The following PRH1 variants were observed in gnomAD, a reference collection of about 807,000 sequenced individuals.
PRH1 encodes the protein proline rich protein HaeIII subfamily 1.
Under a neutral mutation model 7.9 loss-of-function variants are expected in PRH1, and 7 were observed. The ratio of observed to expected loss-of-function variants is 0.89; its 90% confidence interval spans 0.50 to 1.67. PRH1 has a LOEUF of 1.67. Ranked by LOEUF, PRH1 falls within the 40% of genes most tolerant of loss-of-function variation. The pLI, the probability that PRH1 is intolerant of heterozygous loss-of-function variation, is 0.00. For missense variants in PRH1, 109 were observed against 223.6 expected (o/e 0.49, Z 3.27); for synonymous variants, 45 against 80.8 (o/e 0.56, Z 2.38).
rs544865185 is a variant in PRH1 at position 11,078,322 on chromosome 12, G to A, written n.124-31134C>T. 1.2e-3 allele frequency: 349 copies of A among 280,132 alleles called. 13 individuals are homozygous for A. Among genetic ancestry groups the A allele is most frequent in the African/African-American group, 7.4e-3 (332 of 44,572 alleles). The allele number at this position is 280,132 out of a possible 1,614,324, so 17.4% of individuals were successfully genotyped here. A position where few individuals can be genotyped will look rare whatever the true frequency, so the allele number is the denominator to read the frequency against. ...CCCTTAATATCCAAACATTAACTTCGATAAACACTTGATTACTAAATGTGC... is the reference window on the plus strand; with the variant it reads ...CCCTTAATATCCAAACATTAACTTCAATAAACACTTGATTACTAAATGTGC... On this transcript the variant is annotated intron_variant and non_coding_transcript_variant, in intron 1 of 4. Transcript: ENST00000541977.
At chr12:11,051,042 C>T (rs1028226423), upstream of PRH1, among the ~76,000 whole-genome samples, 8 of 152,254 alleles carry the variant, frequency 5.3e-5, no homozygotes, top group African/African-American at 1.9e-4. Context: ...AATCCAAAGA[C>T]ATATGAGACA....
At chr12:10,949,488 C>T (rs1950537175) in intron 2 of PRH1, among the ~76,000 whole-genome samples, 1 of 152,134 alleles carries the variant, frequency 6.6e-6, no homozygotes, top group Non-Finnish European at 1.5e-5. Flanking sequence ...TAGATTATAC[C>T]TTCTTTTAAA....
rs567668417 is a variant in PRH1 at position 10,997,430 on chromosome 12, G to A, written c.-125-23709C>T. 28 of 1,613,942 alleles carry A rather than the reference G, an allele frequency of 1.7e-5. No individual in the cohort carries two copies. The highest frequency in any genetic ancestry group is 9.9e-5 in the South Asian group (9 of 91,066). ...TTCTTCTGTCCACACATTTATATACGTGTGTTTCATCACAAGGTGACAAAC... is the reference window on the plus strand; with the variant it reads ...TTCTTCTGTCCACACATTTATATACATGTGTTTCATCACAAGGTGACAAAC... On this transcript the variant is annotated intron_variant, in intron 1 of 3. Coordinates refer to the PRH1 transcript ENST00000539853.
chr12:10,977,289 A>C (rs1939149434), intron 1 of PRH1, among the ~76,000 whole-genome samples: 1 of 152,232 alleles, frequency 6.6e-6, no homozygotes, highest in Non-Finnish European at 1.5e-5. Flanking sequence ...GTGCTTCATC[A>C]CATAAGCAGA....
At chr12:10,884,274 C>T, upstream of PRH1, 1 of 1,611,206 alleles carries the variant, frequency 6.2e-7, no homozygotes, top group Non-Finnish European at 8.5e-7. Context: ...CGTGTCAGCT[C>T]CCTTTATAAA....
chr12:11,005,894 C>G (rs1385590767), intron 1 of PRH1: 1 of 152,068 alleles, frequency 6.6e-6, no homozygotes, highest in African/African-American at 2.4e-5. Context: ...TCCTTGGGCA[C>G]TTATTAAAAA....
intron 1 of PRH1, among the ~76,000 whole-genome samples, chr12:11,137,427 A>C (rs185732820): frequency 3.3e-5 from 5 of 152,080 alleles, no homozygotes; most frequent in African/African-American, 1.2e-4. Context: ...TAACCTTCAA[A>C]CTCCATCATC....
chr12:10,980,873 T>C (rs7136588), intron 1 of PRH1, among the ~76,000 whole-genome samples: 68,322 of 152,060 alleles, frequency 0.45, 16,204 homozygotes, highest in Non-Finnish European at 0.52. Flanking sequence ...AGACCGACCA[T>C]TGGCAACACA....
At chr12:11,112,330 A>C (rs960691679) in intron 1 of PRH1, among the ~76,000 whole-genome samples, 2 of 152,132 alleles carry the variant, frequency 1.3e-5, no homozygotes, top group African/African-American at 2.4e-5. Flanking sequence ...TGATTCCAAA[A>C]CCTGATAGAG....
intron 1 of PRH1, among the ~76,000 whole-genome samples, chr12:10,984,726 T>C (rs10772396): frequency 0.45 from 68,261 of 151,798 alleles, 16,254 homozygotes; most frequent in Non-Finnish European, 0.52. Flanking sequence ...ATTAATACAG[T>C]TTATAGAATT....
intron 1 of PRH1, among the ~76,000 whole-genome samples, chr12:11,009,735 T>C (rs1940985041): frequency 6.6e-6 from 1 of 151,992 alleles, no homozygotes; most frequent in Non-Finnish European, 1.5e-5. Context: ...ACAGCTTGTC[T>C]GTTGCTGGGT....
At chr12:10,885,660 A>T (rs1949480269), upstream of PRH1, among the ~76,000 whole-genome samples, 1 of 152,190 alleles carries the variant, frequency 6.6e-6, no homozygotes, top group Non-Finnish European at 1.5e-5. Flanking sequence ...ATACCTAGAA[A>T]TTCCCTGCTC....
intron 2 of PRH1, among the ~76,000 whole-genome samples, chr12:10,948,647 G>A (rs1484757681): frequency 6.6e-6 from 1 of 152,150 alleles, no homozygotes; most frequent in Non-Finnish European, 1.5e-5. Flanking sequence ...ACCTTGTTAA[G>A]AACTCTTGTT....
chr12:11,081,038 C>A (rs78150800), intron 1 of PRH1, among the ~76,000 whole-genome samples: 2,381 of 67,926 alleles, frequency 0.035, 30 homozygotes, highest in East Asian at 0.055. Flanking sequence ...TACATGGAGG[C>A]ATACATTTTA....
At chr12:10,938,199 A>G in intron 2 of PRH1, 1 of 1,197,208 alleles carries the variant, frequency 8.4e-7, no homozygotes, top group Non-Finnish European at 1.2e-6. Context: ...TTAAGGAAGT[A>G]TAAATTTATA....
intron 2 of PRH1, among the ~76,000 whole-genome samples, chr12:10,967,526 C>G (rs767983047): frequency 2.0e-5 from 3 of 152,214 alleles, no homozygotes; most frequent in Non-Finnish European, 4.4e-5. Context: ...CAATTTTCTA[C>G]TTTTCCCAAC....
At chr12:11,096,830 C>G (rs1945080562) in intron 1 of PRH1, among the ~76,000 whole-genome samples, 1 of 114,900 alleles carries the variant, frequency 8.7e-6, no homozygotes, top group Non-Finnish European at 2.1e-5. Flanking sequence ...GACGGAGTCT[C>G]GTTGTCTCCC....
chr12:11,129,000 G>A (rs1369544277), intron 1 of PRH1, among the ~76,000 whole-genome samples: 2 of 152,096 alleles, frequency 1.3e-5, no homozygotes, highest in African/African-American at 2.4e-5. Context: ...ATAGCCCACT[G>A]CAGCCTGGAA....
chr12:10,906,744 TG>T (rs1949810128), intron 2 of PRH1, among the ~76,000 whole-genome samples: 1 of 152,218 alleles, frequency 6.6e-6, no homozygotes, highest in Non-Finnish European at 1.5e-5. Context: ...GCCATTATTG[TG>T]AGGCCTTTCC....
Sources: gnomAD v4.1 joint callset for allele counts (sites outside exome capture counted in the v4.1 genomes callset) on GRCh38, gnomAD v4.1.1 for gene constraint, MANE v1.5 for transcripts, NCBI Gene and HGNC (gene_info 2026-07-23, HGNC 2026-07-21) for gene names.